Variants in NDRG3 observed in about 807,000 individuals in gnomAD.
The protein encoded by NDRG3 is NDRG family member 3, also known as protein NDRG3.
A neutral mutation model predicts 57.2 loss-of-function variants in NDRG3; 23 were observed. The observed-to-expected ratio is 0.40, with a 90% CI of 0.29 to 0.57. NDRG3 has a LOEUF of 0.57. Among genes scored for constraint, NDRG3 ranks in the 20% least tolerant of loss-of-function variants. The pLI, the probability that NDRG3 is intolerant of heterozygous loss-of-function variation, is 0.42. For missense variants in NDRG3, 384 were observed against 457.3 expected, an observed-to-expected ratio of 0.84 and a Z score of 1.46; for synonymous variants, 132 against 162.6, an observed-to-expected ratio of 0.81 and a Z score of 1.43.
At chr20:36,691,271 G>C (rs181622101) in intron 3 of NDRG3, among the ~76,000 whole-genome samples, 47 of 152,280 alleles carry the variant, frequency 3.1e-4, no homozygotes, top group Non-Finnish European at 5.3e-4. Context: ...GGCTGGAGCC[G>C]ATAGCCATCC....
intron 9 of NDRG3, among the ~76,000 whole-genome samples, 197 bp from the exon 10 acceptor site, chr20:36,666,589 G>A (rs1359402222): frequency 2.6e-5 from 4 of 152,122 alleles, no homozygotes; most frequent in Non-Finnish European, 5.9e-5. Flanking sequence ...GCTATATTCT[G>A]TGTCAGATGA....
chr20:36,730,354 A>G (rs1795315047), intron 1 of NDRG3, among the ~76,000 whole-genome samples: 1 of 151,926 alleles, frequency 6.6e-6, no homozygotes, highest in African/African-American at 2.4e-5. Context: ...TCCAATGGTC[A>G]AGCAATCCTC....
chr20:36,691,006 C>A (rs1982224099), intron 3 of NDRG3, among the ~76,000 whole-genome samples: 1 of 152,190 alleles, frequency 6.6e-6, no homozygotes, highest in Admixed American at 6.5e-5. Flanking sequence ...TTATATTTCT[C>A]AAAAATAAAA....
chr20:36,705,883 T>C lies in NDRG3; in HGVS notation c.93+1089A>G, dbSNP rs374091255. Among the ~76,000 whole-genome samples, 4 of 152,246 alleles carry C rather than the reference T, an allele frequency of 2.6e-5. No homozygotes were observed. In the East Asian group the frequency reaches 5.8e-4, roughly 22 times the overall value. Reference sequence around the variant, plus strand: ...CCTCAGCCTCCTGAGTAGCTGGGATTACAGGCACGCACCATCACGTCCAGC... The same window carrying C: ...CCTCAGCCTCCTGAGTAGCTGGGATCACAGGCACGCACCATCACGTCCAGC... On this transcript the variant is annotated intron_variant, in intron 3 of 15. Coordinates refer to ENST00000349004, the MANE Select transcript of NDRG3 (RefSeq NM_032013.4).
intron 8 of NDRG3, among the ~76,000 whole-genome samples, chr20:36,679,117 C>A (rs1981018218): frequency 6.6e-6 from 1 of 152,044 alleles, no homozygotes; most frequent in African/African-American, 2.4e-5. Context: ...TGCCCCACAC[C>A]CCAGCTAATT....
At chr20:36,739,647 C>T (rs1008637185) in intron 1 of NDRG3, among the ~76,000 whole-genome samples, 9 of 149,126 alleles carry the variant, frequency 6.0e-5, no homozygotes, top group African/African-American at 2.2e-4. Context: ...CTCGGCCGGG[C>T]GCCGGTGGCT....
intron 2 of NDRG3, among the ~76,000 whole-genome samples, chr20:36,714,992 GTGTGTGTGTGTGTGTATA>G (rs1984152442): frequency 2.0e-5 from 1 of 50,344 alleles, no homozygotes. Flanking sequence ...CTGTGTGTGT[GTGTGTGTGTGTGTGTATA>G]TATATATATA....
chr20:36,715,005 T>TAC (rs1984169753), intron 2 of NDRG3, among the ~76,000 whole-genome samples: 1 of 23,060 alleles, frequency 4.3e-5, no homozygotes, highest in East Asian at 1.1e-3. Context: ...TGTGTGTGTG[T>TAC]GTATATATAT....
At chr20:36,701,666 G>C (rs1329214756) in intron 3 of NDRG3, among the ~76,000 whole-genome samples, 1 of 150,012 alleles carries the variant, frequency 6.7e-6, no homozygotes, top group African/African-American at 2.5e-5. Flanking sequence ...TCCTGCCTCA[G>C]CCTACTGAGG....
chr20:36,729,734 C>T (rs1323740334), intron 1 of NDRG3, among the ~76,000 whole-genome samples: 2 of 151,784 alleles, frequency 1.3e-5, no homozygotes, highest in African/African-American at 2.4e-5. Context: ...CACTTTGTTG[C>T]CCAGGCTGGT....
intron 1 of NDRG3, among the ~76,000 whole-genome samples, chr20:36,742,839 CA>C (rs1404724529): frequency 6.6e-6 from 1 of 152,104 alleles, no homozygotes. Context: ...TACCCATAGT[CA>C]ATATATTTAC....
chr20:36,688,340 T>C, intron 4 of NDRG3, among the ~76,000 whole-genome samples: 1 of 152,072 alleles, frequency 6.6e-6, no homozygotes, highest in Non-Finnish European at 1.5e-5. Flanking sequence ...CAAAGTTAAG[T>C]TCCAACTCTG....
intron 15 of NDRG3, among the ~76,000 whole-genome samples, chr20:36,654,273 G>GTT (rs1396729225): frequency 1.3e-5 from 2 of 152,156 alleles, no homozygotes; most frequent in African/African-American, 2.4e-5. Flanking sequence ...AGAGAAGCAG[G>GTT]TGTTTAACTC....
chr20:36,679,509 T>C (rs1385067630), intron 8 of NDRG3, among the ~76,000 whole-genome samples: 1 of 152,032 alleles, frequency 6.6e-6, no homozygotes, highest in Non-Finnish European at 1.5e-5. Context: ...TTGCAATTTT[T>C]TTTTTTTTTT....
At chr20:36,658,852 A>G (rs1474580676) in intron 13 of NDRG3, among the ~76,000 whole-genome samples, 1 of 152,164 alleles carries the variant, frequency 6.6e-6, no homozygotes, top group Non-Finnish European at 1.5e-5. Flanking sequence ...CACCCTCATC[A>G]TAAGAATTGT....
intron 2 of NDRG3, among the ~76,000 whole-genome samples, chr20:36,711,645 C>CT (rs1335553934): frequency 1.3e-5 from 2 of 152,190 alleles, no homozygotes; most frequent in African/African-American, 4.8e-5. Context: ...AGCCAATGCC[C>CT]TCAAGAACCT....
At chr20:36,745,849 G>A (rs1986163375) in intron 1 of NDRG3, among the ~76,000 whole-genome samples, 196 bp downstream of exon 1, 1 of 149,628 alleles carries the variant, frequency 6.7e-6, no homozygotes, top group African/African-American at 2.4e-5. Context: ...GCCGAGGAAA[G>A]CCGGGCTGAC....
intron 1 of NDRG3, among the ~76,000 whole-genome samples, chr20:36,730,159 C>G (rs547199884): frequency 1.3e-5 from 2 of 150,880 alleles, no homozygotes; most frequent in African/African-American, 4.9e-5. Flanking sequence ...AAGCAGGAGA[C>G]GCGCTTGAAC....
chr20:36,725,915 A>T (rs971632891), intron 1 of NDRG3, among the ~76,000 whole-genome samples: 1 of 144,888 alleles, frequency 6.9e-6, no homozygotes, highest in African/African-American at 2.6e-5. Context: ...ACTGGCATTC[A>T]CCTAGTGTTC....
Sources: gnomAD v4.1 joint callset for allele counts (sites outside exome capture counted in the v4.1 genomes callset) on GRCh38, gnomAD v4.1.1 for gene constraint, MANE v1.5 for transcripts, NCBI Gene and HGNC (gene_info 2026-07-23, HGNC 2026-07-21) for gene names.